Variants in PTPRG observed in about 807,000 individuals in gnomAD.
The protein encoded by PTPRG is protein tyrosine phosphatase receptor type G, also known as receptor-type tyrosine-protein phosphatase gamma.
PTPRG carries 102 observed loss-of-function variants against 165.3 expected under a neutral mutation model. The ratio of observed to expected loss-of-function variants is 0.62; its 90% CI spans 0.53 to 0.73. PTPRG has a LOEUF of 0.73. Ranked by LOEUF, PTPRG falls within the 30% of genes least tolerant of loss-of-function variation. PTPRG has a pLI of 0.00. For synonymous variants in PTPRG, 675 were observed against 669.5 expected (o/e 1.01, Z -0.13); for missense variants, 1,866 against 1,861.4 (o/e 1.00, Z -0.05).
At chr3:61,890,082 TC>T (rs1273227457) in intron 2 of PTPRG, among the ~76,000 whole-genome samples, 1 of 152,224 alleles carries the variant, frequency 6.6e-6, no homozygotes. Flanking sequence ...CTTAAGCTTT[TC>T]TGCAGAGTAT....
At chr3:61,885,237 T>C (rs1467688106) in intron 2 of PTPRG, among the ~76,000 whole-genome samples, 1 of 152,132 alleles carries the variant, frequency 6.6e-6, no homozygotes. Flanking sequence ...CTGGGCAAAA[T>C]GTATTCTGAA....
At chr3:61,743,013 C>T (rs760931036) in intron 1 of PTPRG, 21 of 1,564,648 alleles carry the variant, frequency 1.3e-5, no homozygotes, top group Non-Finnish European at 1.8e-5. Flanking sequence ...TCTGCAACTC[C>T]ACCGTCTCCA....
intron 1 of PTPRG, among the ~76,000 whole-genome samples, chr3:61,641,097 G>A (rs748664230): frequency 6.6e-6 from 1 of 152,150 alleles, no homozygotes; most frequent in African/African-American, 2.4e-5. Context: ...TCTGAAGCTT[G>A]ACTCTTTGAT....
chr3:61,751,660 G>A (rs1190221329), intron 2 of PTPRG, among the ~76,000 whole-genome samples: 1 of 152,130 alleles, frequency 6.6e-6, no homozygotes, highest in Non-Finnish European at 1.5e-5. Context: ...TCCCACATAG[G>A]ATTGTTACAG....
intron 17 of PTPRG, among the ~76,000 whole-genome samples, chr3:62,266,425 A>AAAT (rs1701876878): frequency 6.6e-6 from 1 of 152,122 alleles, no homozygotes; most frequent in Non-Finnish European, 1.5e-5. Flanking sequence ...TCAGTCTAAG[A>AAAT]AATAACAATA....
intron 1 of PTPRG, among the ~76,000 whole-genome samples, chr3:61,719,674 T>C (rs942167241): frequency 2.6e-5 from 4 of 152,214 alleles, no homozygotes; most frequent in Non-Finnish European, 2.9e-5. Flanking sequence ...TCCCAGAAGT[T>C]ATGTTAATCA....
intron 12 of PTPRG, among the ~76,000 whole-genome samples, chr3:62,209,710 G>A (rs1010455578): frequency 6.6e-6 from 1 of 152,176 alleles, no homozygotes; most frequent in African/African-American, 2.4e-5. Context: ...GTAGGCCGAA[G>A]GGGTTATTCA....
At chr3:61,593,291 G>A (rs1307461734) in intron 1 of PTPRG, among the ~76,000 whole-genome samples, 1 of 151,948 alleles carries the variant, frequency 6.6e-6, no homozygotes, top group Admixed American at 6.6e-5. Context: ...AAAGCAGTGT[G>A]TGTCAAGAGA....
chr3:62,139,981 G>A (rs779103405), intron 6 of PTPRG, among the ~76,000 whole-genome samples: 5 of 152,182 alleles, frequency 3.3e-5, no homozygotes, highest in Admixed American at 3.3e-4. Flanking sequence ...TCATCTTTCC[G>A]TATTCCACCT....
rs779675678 is a variant in PTPRG, at chr3:61,651,541, T to G, written c.85+89169T>G. Among the ~76,000 whole-genome samples, 85 of 152,096 alleles carry G rather than the reference T, an allele frequency of 5.6e-4. 2 individuals carry two copies. The highest frequency in any genetic ancestry group is 2.9e-4 in the Non-Finnish European group (20 of 68,016). On this transcript the variant is annotated intron_variant, in intron 1 of 29. Coordinates refer to ENST00000474889, the MANE Select transcript of PTPRG (RefSeq NM_002841.4). ...GATTTCTTTAGAAGATGATAATGGG[T>G]CCATGTGGGAATTGACCTGGATTCA...
In PTPRG at chr3:62,168,125, A is replaced by T; in HGVS notation, c.995A>T (p.Asp332Val). Residue 332 changes from aspartate (D) to valine (V), a missense_variant, in exon 8 of 30, where the codon GAC (aspartate) becomes GTC (valine). This residue lies in a region of PTPRG where 1,452 missense variants were observed against 1,463.0 expected (regional missense o/e 0.99). Transcript: ENST00000474889. Reference sequence around the variant, plus strand: ...GACTCCTGGAACCACGACATGACAGACTTCTTAGAAAACCCACTGGGGACA... The same window carrying T: ...GACTCCTGGAACCACGACATGACAGTCTTCTTAGAAAACCCACTGGGGACA... ...VRDSWNHDMTDFLENPLGTEA... is the reference protein window; with the variant it reads ...VRDSWNHDMTVFLENPLGTEA... 1 of 1,614,038 alleles carries T rather than the reference A, an allele frequency of 6.2e-7. No individual in the cohort carries two copies. Among genetic ancestry groups the T allele is most frequent in the Non-Finnish European group, 8.5e-7 (1 of 1,179,956 alleles).
intron 4 of PTPRG, among the ~76,000 whole-genome samples, chr3:62,023,977 C>G (rs1050941979): frequency 6.6e-6 from 1 of 152,082 alleles, no homozygotes; most frequent in African/African-American, 2.4e-5. Flanking sequence ...TAATTGTTTT[C>G]TTAGACAAGA....
At chr3:61,742,637 G>T in intron 1 of PTPRG, 1 of 1,604,738 alleles carries the variant, frequency 6.2e-7, no homozygotes, top group African/African-American at 1.3e-5. Context: ...TTCTTCATTT[G>T]GAACTTGATT....
intron 2 of PTPRG, among the ~76,000 whole-genome samples, chr3:61,872,572 C>T (rs568801698): frequency 6.6e-6 from 1 of 152,244 alleles, no homozygotes; most frequent in African/African-American, 2.4e-5. Flanking sequence ...CTTGTGTTGC[C>T]TGACCCTGAG....
intron 1 of PTPRG, 50 bp downstream of exon 1, chr3:61,562,422 G>C: frequency 6.3e-7 from 1 of 1,582,192 alleles, no homozygotes; most frequent in Non-Finnish European, 8.7e-7. Context: ...GCGCGTTGGG[G>C]ATGCGGAGTT....
At chr3:62,123,963 A>C (rs949048233) in intron 5 of PTPRG, among the ~76,000 whole-genome samples, 2 of 152,186 alleles carry the variant, frequency 1.3e-5, no homozygotes, top group African/African-American at 4.8e-5. Flanking sequence ...AAAACCTTCC[A>C]ACTGCAGAAA....
intron 1 of PTPRG, among the ~76,000 whole-genome samples, chr3:61,697,863 T>C (rs2030699429): frequency 6.6e-6 from 1 of 152,214 alleles, no homozygotes; most frequent in African/African-American, 2.4e-5. Flanking sequence ...TTATTCTGTC[T>C]GTTGTCAGTT....
At chr3:61,905,036 A>T (rs2038607120) in intron 2 of PTPRG, among the ~76,000 whole-genome samples, 1 of 151,906 alleles carries the variant, frequency 6.6e-6, no homozygotes, top group African/African-American at 2.4e-5. Context: ...TCCCTAGAAG[A>T]CCTCAAAGGA....
intron 2 of PTPRG, among the ~76,000 whole-genome samples, chr3:61,955,392 T>A (rs2040006565): frequency 6.6e-6 from 1 of 152,236 alleles, no homozygotes; most frequent in Non-Finnish European, 1.5e-5. Flanking sequence ...ATGGTAATGT[T>A]TAAATAGTTT....
Sources: gnomAD v4.1 joint callset for allele counts (sites outside exome capture counted in the v4.1 genomes callset) on GRCh38, gnomAD v4.1.1 for gene constraint, gnomAD v4.1.1 regional missense constraint, MANE v1.5 for transcripts, NCBI Gene and HGNC (gene_info 2026-07-23, HGNC 2026-07-21) for gene names.